The following FREM2 variants were observed in gnomAD, a reference collection of about 807,000 sequenced individuals.
The protein encoded by FREM2 is FRAS1 related extracellular matrix 2.
FREM2 carries 119 observed loss-of-function variants against 219.9 expected under a neutral mutation model. The ratio of observed to expected loss-of-function variants is 0.54; its 90% CI spans 0.47 to 0.63. The LOEUF (loss-of-function observed/expected upper bound fraction) is 0.63. Among genes scored for constraint, FREM2 ranks in the 30% least tolerant of loss-of-function variants. The probability of loss-of-function intolerance (pLI) is 0.00; values close to 1 mark genes in which losing one functional copy is unlikely to be tolerated. For synonymous variants in FREM2, 1,562 were observed against 1,522.8 expected (o/e 1.03, Z -0.60); for missense variants, 4,030 against 3,993.6 (o/e 1.01, Z -0.25).
At chr13:38,872,525 A>G (rs574492932) in intron 16 of FREM2, among the ~76,000 whole-genome samples, 6 of 152,234 alleles carry the variant, frequency 3.9e-5, no homozygotes, top group Non-Finnish European at 8.8e-5. Context: ...GATTTCTGGT[A>G]CATATCCTTT....
chr13:38,696,805 T>C (rs1422356663), intron 1 of FREM2, among the ~76,000 whole-genome samples: 3 of 149,568 alleles, frequency 2.0e-5, no homozygotes, highest in African/African-American at 7.4e-5. Context: ...GAATAAAGGT[T>C]TCCACTTTTT....
At chr13:38,807,346 A>G (rs960421943) in intron 6 of FREM2, among the ~76,000 whole-genome samples, 4 of 149,780 alleles carry the variant, frequency 2.7e-5, no homozygotes, top group Non-Finnish European at 4.4e-5. Context: ...AATTACTGGG[A>G]TGATAGCTGG....
intron 2 of FREM2, among the ~76,000 whole-genome samples, chr13:38,733,413 G>A (rs1160719251): frequency 6.6e-6 from 1 of 151,482 alleles, no homozygotes; most frequent in Non-Finnish European, 1.5e-5. Context: ...GAATAGCAAT[G>A]AAAAGAGCAC....
intron 2 of FREM2, among the ~76,000 whole-genome samples, chr13:38,753,918 C>G (rs377337608): frequency 6.6e-6 from 1 of 151,908 alleles, no homozygotes; most frequent in East Asian, 1.9e-4. Flanking sequence ...CTTCCTTTTC[C>G]CCCCTTTTTG....
intron 6 of FREM2, among the ~76,000 whole-genome samples, chr13:38,840,287 A>G (rs975857664): frequency 6.6e-6 from 1 of 151,814 alleles, no homozygotes; most frequent in Non-Finnish European, 1.5e-5. Flanking sequence ...GGCTGCATCC[A>G]CTGTCTGACC....
intron 6 of FREM2, among the ~76,000 whole-genome samples, chr13:38,809,436 C>A (rs930823477): frequency 5.9e-5 from 9 of 151,464 alleles, no homozygotes; most frequent in African/African-American, 2.2e-4. Flanking sequence ...ACAAAATATT[C>A]TTGTAGTAGT....
intron 13 of FREM2, among the ~76,000 whole-genome samples, chr13:38,858,762 G>T (rs928296632): frequency 3.9e-5 from 6 of 152,136 alleles, no homozygotes; most frequent in Non-Finnish European, 7.3e-5. Context: ...GACTTCATTT[G>T]TTGGGTAGCG....
At chr13:38,852,780 C>T (rs982568197) in intron 11 of FREM2, among the ~76,000 whole-genome samples, 2 of 150,956 alleles carry the variant, frequency 1.3e-5, no homozygotes, top group African/African-American at 4.9e-5. Context: ...TCACAGCTCA[C>T]TGCAGTCTCC....
intron 16 of FREM2, among the ~76,000 whole-genome samples, chr13:38,866,590 C>A (rs1425191890): frequency 6.6e-6 from 1 of 151,036 alleles, no homozygotes; most frequent in African/African-American, 2.4e-5. Context: ...ATCGCTTGAA[C>A]TGGGAGGCGG....
chr13:38,848,799 C>G, intron 8 of FREM2, 129 bp downstream of exon 8: 1 of 839,434 alleles, frequency 1.2e-6, no homozygotes, highest in East Asian at 2.7e-5. Context: ...CAAAGTAGCA[C>G]TGTCGGGGTG....
At chr13:38,833,014 G>C (rs531090602) in intron 6 of FREM2, among the ~76,000 whole-genome samples, 29 of 152,220 alleles carry the variant, frequency 1.9e-4, no homozygotes, top group African/African-American at 6.7e-4. Context: ...ACTCCACCCT[G>C]GGTGACAGAA....
chr13:38,709,831 T>C (rs1870694714), intron 2 of FREM2, among the ~76,000 whole-genome samples: 2 of 151,976 alleles, frequency 1.3e-5, no homozygotes, highest in African/African-American at 2.4e-5. Flanking sequence ...GTAGTCCCAA[T>C]TGGTAGAAAA....
Position 38,808,728 on chromosome 13 carries a change from C to G in FREM2, c.6019+23920C>G, listed in dbSNP as rs185367512. On this transcript the variant is annotated intron_variant, in intron 6 of 23. Transcript: ENST00000280481. Reference sequence around the variant, plus strand: ...ATTACAATAGTAACATCAAAGATCACTGATCATAGGACACTATAACAACTG... The same window carrying G: ...ATTACAATAGTAACATCAAAGATCAGTGATCATAGGACACTATAACAACTG... Among the ~76,000 whole-genome samples, 120 of 151,960 alleles carry G rather than the reference C, an allele frequency of 7.9e-4. 7 individuals carry two copies. The East Asian group carries it at 0.022, about 28-fold the overall frequency.
intron 11 of FREM2, among the ~76,000 whole-genome samples, chr13:38,854,643 A>C (rs549808958): frequency 2.0e-5 from 3 of 152,328 alleles, no homozygotes; most frequent in African/African-American, 7.2e-5. Flanking sequence ...CAAGAACTGT[A>C]AGTTCTCTCA....
intron 2 of FREM2, among the ~76,000 whole-genome samples, chr13:38,705,371 C>G (rs897843756): frequency 6.6e-6 from 1 of 152,030 alleles, no homozygotes; most frequent in Non-Finnish European, 1.5e-5. Context: ...GGGGCATGGA[C>G]TAGGTTTAAG....
In FREM2 at chr13:38,691,005, C is replaced by T. The variant is rs143192660; in HGVS notation, c.3661C>T (p.Pro1221Ser). 1.0e-4 allele frequency: 162 copies of T among 1,613,820 alleles called. No homozygotes were observed. The highest frequency in any genetic ancestry group is 1.3e-4 in the Non-Finnish European group (158 of 1,179,930). ...TCTCAATGCTGCTGATGCTGATGTT[C>T]CCCTGGATGATTTAACTTTCACTAT... ...PILNAADADV[P>S]LDDLTFTITQ... Residue 1221 changes from proline to serine, a missense_variant, in exon 1 of 24, where the codon CCC becomes TCC. By Grantham distance (74) the Pro-to-Ser change is moderately conservative. Coordinates refer to ENST00000280481, the MANE Select transcript of FREM2 (RefSeq NM_207361.6).
intron 2 of FREM2, among the ~76,000 whole-genome samples, chr13:38,718,042 T>G (rs965791841): frequency 6.6e-6 from 1 of 152,232 alleles, no homozygotes; most frequent in African/African-American, 2.4e-5. Context: ...CAATTAGCAA[T>G]TAACTGTGTC....
At position 38,872,753 on chromosome 13, in the gene FREM2, A is replaced by G. The variant is rs1308986095; in HGVS notation, c.7995A>G (p.Leu2665=). 12 of 1,613,840 alleles carry G rather than the reference A, an allele frequency of 7.4e-6. No homozygotes were observed. The highest frequency in any genetic ancestry group is 1.0e-5 in the Non-Finnish European group (12 of 1,179,864). The change falls in exon 17 of 24, where the codon CTA becomes CTG. Residue 2665 remains leucine (L), a synonymous_variant. Coordinates refer to ENST00000280481, the MANE Select transcript of FREM2 (RefSeq NM_207361.6). The stretch of plus-strand genomic sequence containing the variant: ...TTTTGTTGTTTTAGGTCCTAAACCT[A>G]GTGCAGTCCTATGTGACCCTTCGAG... The part of the protein sequence containing the change: ...TIGTDGQVLN[L]VQSYVTLRVP...
At chr13:38,827,313 G>C (rs191783130) in intron 6 of FREM2, 1 of 152,200 alleles carries the variant, frequency 6.6e-6, no homozygotes, top group Admixed American at 6.6e-5. Flanking sequence ...GGTTTCTAGA[G>C]ATCCTGGTGT....
Sources: allele counts gnomAD v4.1 joint callset (sites outside exome capture counted in the v4.1 genomes callset), GRCh38; gene constraint gnomAD v4.1.1; transcripts MANE v1.5; gene names NCBI Gene and HGNC (gene_info 2026-07-23, HGNC 2026-07-21).